NIPSNAP3B: variants seen among roughly 807,000 people sequenced by gnomAD.
The protein encoded by NIPSNAP3B is protein NipSnap homolog 3B.
A neutral mutation model predicts 31.5 loss-of-function variants in NIPSNAP3B; 30 were observed. That is an observed-to-expected ratio of 0.95 (90% CI 0.71 to 1.29). The LOEUF (loss-of-function observed/expected upper bound fraction) is 1.29. NIPSNAP3B is among the 50% of genes most tolerant of loss of function. NIPSNAP3B has a pLI of 0.00. For synonymous variants in NIPSNAP3B, 106 were observed against 107.9 expected (o/e 0.98, Z 0.11); for missense variants, 269 against 300.7 (o/e 0.89, Z 0.78).
At chr9:104,778,651 C>T (rs1224041683), downstream of NIPSNAP3B, among the ~76,000 whole-genome samples, 1 of 152,194 alleles carries the variant, frequency 6.6e-6, no homozygotes, top group African/African-American at 2.4e-5. Flanking sequence ...CTTGCTAGCT[C>T]TCTTTCCCTC....
At chr9:104,771,025 G>A (rs780584503) in intron 4 of NIPSNAP3B, 27 bp downstream of exon 4, 1 of 1,608,944 alleles carries the variant, frequency 6.2e-7, no homozygotes, top group Non-Finnish European at 8.5e-7. Context: ...GTTCTATGAA[G>A]TTGCCATGTG....
intron 1 of NIPSNAP3B, 65 bp downstream of exon 1, chr9:104,764,365 T>G: frequency 1.5e-6 from 2 of 1,375,534 alleles, no homozygotes; most frequent in Non-Finnish European, 9.8e-7. Context: ...GGGGTATTTC[T>G]GAAGCGTGCG....
At position 104,768,886 on chromosome 9, in the gene NIPSNAP3B, G is replaced by A; in HGVS notation, c.295G>A (p.Val99Ile). ...AGATAATTTTGCTCATCGAGCTGAA[G>A]TTCGGAAAGCCTTAGCCAACTGTAA... ...KYDNFAHRAE[V>I]RKALANCKEW... is the part of the protein sequence containing the mutation. The change falls in exon 3 of 6, where the codon GTT (valine) becomes ATT (isoleucine). Residue 99 changes from valine to isoleucine, a missense_variant. By Grantham distance (29) the Val-to-Ile change is conservative. Coordinates refer to ENST00000374762, the MANE Select transcript of NIPSNAP3B (RefSeq NM_018376.4). 1 of 1,606,246 alleles carries A rather than the reference G, an allele frequency of 6.2e-7. No homozygotes were observed. Among genetic ancestry groups the A allele is most frequent in the South Asian group, 1.1e-5 (1 of 90,018 alleles).
chr9:104,789,331 G>A, the NIPSNAP3B span, among the ~76,000 whole-genome samples: 9 of 152,170 alleles, frequency 5.9e-5, no homozygotes, highest in Non-Finnish European at 7.3e-5. Flanking sequence ...TGCTATATGC[G>A]TCAGGAGCTT....
the NIPSNAP3B span, among the ~76,000 whole-genome samples, chr9:104,790,085 A>C: frequency 2.7e-5 from 4 of 145,794 alleles, no homozygotes; most frequent in East Asian, 8.4e-4. Flanking sequence ...AGTAAGAGTG[A>C]AACTCCGTCT....
chr9:104,786,650 C>T, the NIPSNAP3B span, among the ~76,000 whole-genome samples: 1 of 152,064 alleles, frequency 6.6e-6, no homozygotes, highest in Non-Finnish European at 1.5e-5. Flanking sequence ...AGAAATGACA[C>T]CTAAATGCAC....
chr9:104,765,039 T>C (rs570658966), intron 1 of NIPSNAP3B, among the ~76,000 whole-genome samples: 1 of 152,324 alleles, frequency 6.6e-6, no homozygotes, highest in East Asian at 1.9e-4. Context: ...CTAAGCAGTT[T>C]TTTATTTTCA....
chr9:104,779,413 T>C (rs1214631508), downstream of NIPSNAP3B, among the ~76,000 whole-genome samples: 1 of 151,772 alleles, frequency 6.6e-6, no homozygotes, highest in African/African-American at 2.4e-5. Flanking sequence ...GATGTGATTT[T>C]ACAAGGTCAA....
Position 104,764,181 on chromosome 9 carries a change from CTT to C in NIPSNAP3B, c.-59_-58del. On this transcript the variant is annotated 5_prime_UTR_variant, in exon 1 of 6. Coordinates refer to ENST00000374762, the MANE Select transcript of NIPSNAP3B (RefSeq NM_018376.4). ...AGCCGCTTTTTTCCACTCGGGAAGA[CTT>C]CAGAGAAGTCTCACAAAGGACTCGG... The C allele has an allele frequency of 6.7e-7, 1 of 1,502,406 alleles. No homozygotes were observed. The allele number at this position is 1,502,406 out of a possible 1,614,324, so 93.1% of individuals were successfully genotyped here.
the NIPSNAP3B span, among the ~76,000 whole-genome samples, chr9:104,790,100 A>C: frequency 2.0e-5 from 3 of 151,852 alleles, no homozygotes; most frequent in Non-Finnish European, 4.4e-5. Context: ...CCGTCTCAAA[A>C]AAAAAAAAGC....
rs932823002 is a variant in NIPSNAP3B at position 104,775,825 on chromosome 9, C to T, written c.*2752C>T. Among the ~76,000 whole-genome samples the T allele has an allele frequency of 1.1e-4, 16 of 152,190 alleles. No individual in the cohort carries two copies. Among genetic ancestry groups the T allele is most frequent in the Non-Finnish European group, 1.9e-4 (13 of 68,034 alleles). ...CACAGACTTCAGAGTCATTCTCACACTGCCTTTTCTCTCATACACCATTAT... is the reference window on the plus strand; with the variant it reads ...CACAGACTTCAGAGTCATTCTCACATTGCCTTTTCTCTCATACACCATTAT... On this transcript the variant is annotated 3_prime_UTR_variant, in exon 6 of 6. Transcript: ENST00000374762.
chr9:104,771,722 A>C (rs911155237), intron 4 of NIPSNAP3B, among the ~76,000 whole-genome samples: 2 of 152,166 alleles, frequency 1.3e-5, no homozygotes, highest in African/African-American at 4.8e-5. Context: ...AAAATGATTT[A>C]TATTTCTCTG....
At position 104,764,234 on chromosome 9, in the gene NIPSNAP3B, C is replaced by T; in HGVS notation, c.-7C>T. 1 of 1,600,736 alleles carries T rather than the reference C, an allele frequency of 6.2e-7. No individual in the cohort carries two copies. The highest frequency in any genetic ancestry group is 1.1e-5 in the South Asian group (1 of 88,714). The stretch of plus-strand genomic sequence containing the variant: ...CTGGCTGCTTTTCTCAGTGCCGAAG[C>T]CGCGCCATGCTCGTTCTCAGAAGCG... On this transcript the variant is annotated 5_prime_UTR_variant, in exon 1 of 6. Coordinates refer to ENST00000374762, the MANE Select transcript of NIPSNAP3B (RefSeq NM_018376.4).
chr9:104,765,000 G>T (rs1368146504), intron 1 of NIPSNAP3B, among the ~76,000 whole-genome samples: 1 of 152,110 alleles, frequency 6.6e-6, no homozygotes, highest in East Asian at 1.9e-4. Context: ...CCCATTTTCC[G>T]AGATAATAAT....
chr9:104,777,926 T>G (rs1025732688), downstream of NIPSNAP3B, among the ~76,000 whole-genome samples: 2 of 152,220 alleles, frequency 1.3e-5, no homozygotes, highest in African/African-American at 2.4e-5. Context: ...ACCAAGGACC[T>G]CTGTCTTAAC....
chr9:104,778,817 T>C (rs1385534239), downstream of NIPSNAP3B, among the ~76,000 whole-genome samples: 1 of 152,204 alleles, frequency 6.6e-6, no homozygotes, highest in Non-Finnish European at 1.5e-5. Flanking sequence ...TAGTAGCCAG[T>C]GTTCTTTCTG....
the NIPSNAP3B span, chr9:104,788,116 C>CACATGTCCTACACAT: frequency 2.5e-3 from 3,874 of 1,531,120 alleles, 8 homozygotes; most frequent in Middle Eastern, 5.2e-3. Flanking sequence ...TGCTGTCCTA[C>CACATGTCCTACACAT]ACATACATGT....
chr9:104,788,476 C>A, the NIPSNAP3B span: 3 of 1,614,168 alleles, frequency 1.9e-6, no homozygotes, highest in Non-Finnish European at 2.5e-6. Context: ...AAGAACTCCA[C>A]GTGTTCTCTC....
rs368031263 is a variant in NIPSNAP3B, at chr9:104,766,664, C to G, written c.271+129C>G. On this transcript the variant is annotated intron_variant, in intron 2 of 5. Transcript: ENST00000374762. ...TAAGTAAGACTTTTTAAAAGCAATA[C>G]CAAAAAAATAAATTTAGCAGATCTT... 64 of 874,390 alleles carry G rather than the reference C, an allele frequency of 7.3e-5. No individual in the cohort carries two copies. The East Asian group carries it at 1.6e-3, about 22-fold the overall frequency. The allele number at this position is 874,390 out of a possible 1,614,324, so 54.2% of individuals were successfully genotyped here.
Sources: allele counts gnomAD v4.1 joint callset (sites outside exome capture counted in the v4.1 genomes callset), GRCh38; gene constraint gnomAD v4.1.1; transcripts MANE v1.5; gene names NCBI Gene and HGNC (gene_info 2026-07-23, HGNC 2026-07-21).